The following ZMIZ1 variants were observed in gnomAD, a reference collection of about 807,000 sequenced individuals.
The protein encoded by ZMIZ1 is zinc finger MIZ domain-containing protein 1.
A neutral mutation model predicts 113.9 loss-of-function variants in ZMIZ1; 17 were observed. The observed-to-expected ratio is 0.15, with a 90% CI of 0.10 to 0.22. The LOEUF (loss-of-function observed/expected upper bound fraction) is 0.22. Among genes scored for constraint, ZMIZ1 ranks in the 10% least tolerant of loss-of-function variants. The pLI, the probability that ZMIZ1 is intolerant of heterozygous loss-of-function variation, is 1.00. For synonymous variants in ZMIZ1, 607 were observed against 603.1 expected (o/e 1.01, Z -0.09); for missense variants, 1,059 against 1,477.8 (o/e 0.72, Z 4.65).
rs1000510231 is a variant in ZMIZ1, at chr10:79,243,640, G to C, written c.280+27366G>C. 10 of 282,700 alleles carry C rather than the reference G, an allele frequency of 3.5e-5. No individual in the cohort carries two copies. In the Admixed American group the frequency reaches 4.7e-4, roughly 13 times the overall value. The allele number at this position is 282,700 out of a possible 1,614,324, so 17.5% of individuals were successfully genotyped here. A position where few individuals can be genotyped will look rare whatever the true frequency, so the allele number is the denominator to read the frequency against. Reference sequence around the variant, plus strand: ...CTGCGCGCAGCCTTTGTTCGGCGCTGGCTGAATCCTACCCGGAGTCGCTCG... The same window carrying C: ...CTGCGCGCAGCCTTTGTTCGGCGCTCGCTGAATCCTACCCGGAGTCGCTCG... On this transcript the variant is annotated intron_variant, in intron 7 of 24. Coordinates refer to ENST00000334512, the MANE Select transcript of ZMIZ1 (RefSeq NM_020338.4).
At chr10:79,099,850 A>G (rs1843300581) in intron 1 of ZMIZ1, among the ~76,000 whole-genome samples, 1 of 152,104 alleles carries the variant, frequency 6.6e-6, no homozygotes, top group South Asian at 2.1e-4. Flanking sequence ...TCTTCTTTTT[A>G]CCACCTGGAG....
intron 17 of ZMIZ1, among the ~76,000 whole-genome samples, chr10:79,301,550 C>T (rs1236732249): frequency 2.6e-5 from 4 of 152,154 alleles, no homozygotes; most frequent in African/African-American, 9.7e-5. Flanking sequence ...ACTCCACTGG[C>T]CTCTCTGTGG....
intron 2 of ZMIZ1, among the ~76,000 whole-genome samples, chr10:79,121,601 T>C (rs7068624): frequency 0.12 from 18,758 of 152,262 alleles, 1,771 homozygotes; most frequent in African/African-American, 0.25. Flanking sequence ...CCCAAGAGGC[T>C]TGGAGGAGTC....
intron 4 of ZMIZ1, among the ~76,000 whole-genome samples, chr10:79,180,168 A>C (rs1168014078): frequency 6.6e-6 from 1 of 152,192 alleles, no homozygotes; most frequent in East Asian, 1.9e-4. Flanking sequence ...GATCAGGGAC[A>C]GCCCTCAGGG....
chr10:79,285,655 A>AT (rs1250451016), intron 8 of ZMIZ1: 1 of 445,954 alleles, frequency 2.2e-6, no homozygotes, highest in South Asian at 1.6e-5. Context: ...TCCCTGGCAC[A>AT]TTTTTTTGTT....
At chr10:79,159,008 C>T (rs1243381681) in intron 3 of ZMIZ1, among the ~76,000 whole-genome samples, 1 of 152,204 alleles carries the variant, frequency 6.6e-6, no homozygotes, top group Admixed American at 6.5e-5. Context: ...TGAGAAGCTG[C>T]CGTGTGGTCA....
intron 5 of ZMIZ1, among the ~76,000 whole-genome samples, chr10:79,203,241 C>T (rs1036050616): frequency 1.3e-5 from 2 of 152,170 alleles, no homozygotes; most frequent in Admixed American, 6.5e-5. Flanking sequence ...GGCTGTTCCT[C>T]GAGAACGAGG....
At chr10:79,174,925 C>G (rs1005340073) in intron 4 of ZMIZ1, among the ~76,000 whole-genome samples, 3 of 152,270 alleles carry the variant, frequency 2.0e-5, no homozygotes, top group Non-Finnish European at 4.4e-5. Context: ...GTGACACCTG[C>G]CCTCCATGGG....
rs542087136 is a variant in ZMIZ1 at position 79,143,989 on chromosome 10, C to G, written c.-131+4212C>G. On this transcript the variant is annotated intron_variant, in intron 3 of 24. Coordinates refer to ENST00000334512, the MANE Select transcript of ZMIZ1 (RefSeq NM_020338.4). Reference sequence around the variant, plus strand: ...CCCTCGGGAAAGTCAGGGGGAGATGCCCCTCCAACTCTGCATCGGGGACTA... The same window carrying G: ...CCCTCGGGAAAGTCAGGGGGAGATGGCCCTCCAACTCTGCATCGGGGACTA... Among the ~76,000 whole-genome samples, 6 of 152,290 alleles carry G rather than the reference C, an allele frequency of 3.9e-5. No individual in the cohort carries two copies. The South Asian group carries it at 1.2e-3, about 32-fold the overall frequency.
At chr10:79,181,193 T>C (rs1847110639) in intron 4 of ZMIZ1, among the ~76,000 whole-genome samples, 1 of 152,074 alleles carries the variant, frequency 6.6e-6, no homozygotes, top group Non-Finnish European at 1.5e-5. Context: ...GGTTTCAGCC[T>C]CCTGATGGCC....
At chr10:79,159,611 A>C (rs1029641649) in intron 3 of ZMIZ1, among the ~76,000 whole-genome samples, 1 of 152,208 alleles carries the variant, frequency 6.6e-6, no homozygotes, top group Non-Finnish European at 1.5e-5. Context: ...TGTGGAAATC[A>C]GGGATGTCAG....
intron 23 of ZMIZ1, 139 bp downstream of exon 23, chr10:79,307,710 C>G (rs1854822580): frequency 2.1e-6 from 2 of 971,964 alleles, no homozygotes; most frequent in Admixed American, 2.9e-5. Flanking sequence ...TAGGAGGGGT[C>G]TAACTGAGGC....
intron 1 of ZMIZ1, among the ~76,000 whole-genome samples, chr10:79,077,462 A>G (rs952418307): frequency 6.4e-5 from 9 of 141,244 alleles, no homozygotes; most frequent in African/African-American, 2.4e-4. Flanking sequence ...GGGGTGTCTC[A>G]CTAAGAGTGG....
At position 79,296,334 on chromosome 10, in the gene ZMIZ1, C is replaced by T; in HGVS notation, c.1231-137C>T. On this transcript the variant is annotated intron_variant, in intron 12 of 24. Coordinates refer to ENST00000334512, the MANE Select transcript of ZMIZ1 (RefSeq NM_020338.4). This position sits in a 1 kb window ranked among gnomAD's most constrained non-coding sequence, Gnocchi z 4.1. ...TGTCAGGACGAGAAGGGGCCCAAAG[C>T]ATTATCTGGTTTTGTGGGTGGGAAA... 1 of 989,728 alleles carries T rather than the reference C, an allele frequency of 1.0e-6. No homozygotes were observed. The highest frequency in any genetic ancestry group is 1.6e-6 in the Non-Finnish European group (1 of 637,446). The allele number at this position is 989,728 out of a possible 1,614,324, so 61.3% of individuals were successfully genotyped here. A position where few individuals can be genotyped will look rare whatever the true frequency, so the allele number is the denominator to read the frequency against.
chr10:79,204,801 G>A (rs1408593042), intron 5 of ZMIZ1, among the ~76,000 whole-genome samples: 2 of 152,198 alleles, frequency 1.3e-5, no homozygotes, highest in Non-Finnish European at 2.9e-5. Flanking sequence ...TATAGATGAT[G>A]AATGGATAAA....
chr10:79,181,764 C>T (rs920780665), intron 4 of ZMIZ1, among the ~76,000 whole-genome samples: 1 of 152,212 alleles, frequency 6.6e-6, no homozygotes, highest in African/African-American at 2.4e-5. Flanking sequence ...TCTCTCTCAT[C>T]CTTCCTCTAC....
chr10:79,093,282 A>AGTTTT (rs1227759598), intron 1 of ZMIZ1, among the ~76,000 whole-genome samples: 164 of 146,424 alleles, frequency 1.1e-3, no homozygotes, highest in African/African-American at 3.9e-3. Context: ...GCTGTACCCC[A>AGTTTT]GTTTTATTTT....
chr10:79,277,404 G>T, intron 8 of ZMIZ1, 79 bp downstream of exon 8: 1 of 1,467,940 alleles, frequency 6.8e-7, no homozygotes. Flanking sequence ...ATGTCCCTGG[G>T]GTGGGGGCCT....
At chr10:79,161,739 T>C in intron 3 of ZMIZ1, among the ~76,000 whole-genome samples, 1 of 152,238 alleles carries the variant, frequency 6.6e-6, no homozygotes, top group South Asian at 2.1e-4. Context: ...GTTGAATGAA[T>C]GAGTGAATGC....
Sources: gnomAD v4.1 joint callset for allele counts (sites outside exome capture counted in the v4.1 genomes callset) on GRCh38, gnomAD v4.1.1 for gene constraint, Gnocchi (gnomAD v3.1) non-coding constraint, MANE v1.5 for transcripts, NCBI Gene and HGNC (gene_info 2026-07-23, HGNC 2026-07-21) for gene names.